The following EYS variants were observed in gnomAD, a reference collection of about 807,000 sequenced individuals.
EYS encodes the protein protein eyes shut homolog.
A neutral mutation model predicts 282.1 loss-of-function variants in EYS; 250 were observed. The ratio of observed to expected loss-of-function variants is 0.89; its 90% confidence interval spans 0.80 to 0.98. EYS has a LOEUF of 0.98. EYS is among the 50% of genes least tolerant of loss of function. The pLI is 0.00. For synonymous variants in EYS, 1,355 were observed against 1,282.9 expected, an observed-to-expected ratio of 1.06 and a Z score of -1.20; for missense variants, 4,016 against 3,709.0, an observed-to-expected ratio of 1.08 and a Z score of -2.15.
chr6:65,004,285 A>G (rs1358397703), intron 13 of EYS, among the ~76,000 whole-genome samples: 1 of 147,686 alleles, frequency 6.8e-6, no homozygotes, highest in East Asian at 2.1e-4. Context: ...AAAAATATAA[A>G]TGAATTTGTC....
chr6:65,162,729 T>G (rs969564435), intron 12 of EYS, among the ~76,000 whole-genome samples: 2 of 151,210 alleles, frequency 1.3e-5, no homozygotes, highest in African/African-American at 4.8e-5. Flanking sequence ...TCTTATATTA[T>G]TCTCATTGGT....
chr6:64,763,368 T>A (rs1478551247), intron 22 of EYS, among the ~76,000 whole-genome samples: 1 of 152,068 alleles, frequency 6.6e-6, no homozygotes, highest in Non-Finnish European at 1.5e-5. Context: ...GCAAGCTCCT[T>A]CTTCATATGG....
intron 31 of EYS, among the ~76,000 whole-genome samples, chr6:64,174,932 T>C (rs1343055137): frequency 6.6e-6 from 1 of 152,066 alleles, no homozygotes; most frequent in African/African-American, 2.4e-5. Context: ...GTTTTTTTTC[T>C]AAAACTAGTA....
chr6:65,602,638 T>C (rs1423689447), intron 2 of EYS, among the ~76,000 whole-genome samples: 1 of 151,978 alleles, frequency 6.6e-6, no homozygotes, highest in Non-Finnish European at 1.5e-5. Flanking sequence ...GTTTTGTATA[T>C]TAAATAAAAA....
chr6:65,513,874 C>T (rs1268113894), intron 2 of EYS, among the ~76,000 whole-genome samples: 1 of 152,174 alleles, frequency 6.6e-6, no homozygotes, highest in Admixed American at 6.5e-5. Flanking sequence ...CCTTTGAAAA[C>T]TGGCACAAGA....
chr6:63,801,269 A>G (rs1273698769), intron 37 of EYS, among the ~76,000 whole-genome samples: 1 of 152,182 alleles, frequency 6.6e-6, no homozygotes, highest in Non-Finnish European at 1.5e-5. Flanking sequence ...GAGAATAGAA[A>G]GAAGGAGAAA....
rs146775461 is a variant in EYS, at chr6:64,569,658, G to A, written c.5644+20565C>T. Among the ~76,000 whole-genome samples the A allele has an allele frequency of 3.8e-3, 584 of 151,960 alleles. 9 individuals are homozygous for A. The highest frequency in any genetic ancestry group is 0.013 in the African/African-American group (549 of 41,476). On this transcript the variant is annotated intron_variant, in intron 26 of 42. Transcript: ENST00000503581. Reference sequence around the variant, plus strand: ...CGTGAGGCTGAGGCAGGAGAATTGCGTGAACCCGGGAGGCGGAGCTTGCAG... The same window carrying A: ...CGTGAGGCTGAGGCAGGAGAATTGCATGAACCCGGGAGGCGGAGCTTGCAG...
At chr6:63,942,151 G>A (rs1322045575) in intron 35 of EYS, among the ~76,000 whole-genome samples, 1 of 152,160 alleles carries the variant, frequency 6.6e-6, no homozygotes, top group Non-Finnish European at 1.5e-5. Context: ...CTATAGACAG[G>A]ATTGTCAACA....
At chr6:65,113,129 TGAG>T (rs1775262361) in intron 12 of EYS, among the ~76,000 whole-genome samples, 1 of 152,044 alleles carries the variant, frequency 6.6e-6, no homozygotes, top group South Asian at 2.1e-4. Flanking sequence ...AGCAGAAACA[TGAG>T]GCACTAAGTG....
chr6:63,974,699 T>G (rs1766749318), intron 35 of EYS, among the ~76,000 whole-genome samples: 1 of 152,068 alleles, frequency 6.6e-6, no homozygotes, highest in African/African-American at 2.4e-5. Context: ...TTGAGGCTTT[T>G]CAAATTCGGT....
intron 5 of EYS, among the ~76,000 whole-genome samples, chr6:65,417,416 A>T (rs563274050): frequency 6.6e-6 from 1 of 152,168 alleles, no homozygotes; most frequent in East Asian, 1.9e-4. Flanking sequence ...CTAAGTTTCT[A>T]ATGTGTGACT....
Position 64,552,686 on chromosome 6 carries a change from T to C in EYS, c.5644+37537A>G, listed in dbSNP as rs189169090. ...TCCCAGGACTTTGGGAGGCCGAAGC[T>C]GACAGATCATGAGGTCAGGAGTTTG... On this transcript the variant is annotated intron_variant, in intron 26 of 42. Coordinates refer to ENST00000503581, the MANE Select transcript of EYS (RefSeq NM_001142800.2). Among the ~76,000 whole-genome samples the C allele has an allele frequency of 5.5e-3, 842 of 152,120 alleles. 4 individuals carry two copies. Among genetic ancestry groups the C allele is most frequent in the Middle Eastern group, 0.017 (5 of 294 alleles).
chr6:64,073,754 TTATATA>T lies in EYS; in HGVS notation c.6572-7269_6572-7264del, dbSNP rs532848543. Among the ~76,000 whole-genome samples the T allele has an allele frequency of 2.1e-3, 321 of 151,680 alleles. 1 individual carries two copies. Among genetic ancestry groups the T allele is most frequent in the African/African-American group, 7.3e-3 (301 of 41,436 alleles). Reference sequence around the variant, plus strand: ...TGTAGACATCAAGCAATGTGAATCTTTATATATATGTGTGTGTGTGTGCATATATAT... The same window carrying T: ...TGTAGACATCAAGCAATGTGAATCTTTATGTGTGTGTGTGTGCATATATAT... On this transcript the variant is annotated intron_variant, in intron 32 of 42. Coordinates refer to ENST00000503581, the MANE Select transcript of EYS (RefSeq NM_001142800.2).
At chr6:64,152,138 T>TA (rs1259061487) in intron 31 of EYS, among the ~76,000 whole-genome samples, 1 of 152,018 alleles carries the variant, frequency 6.6e-6, no homozygotes, top group African/African-American at 2.4e-5. Flanking sequence ...ACTTTTTGAA[T>TA]AAAAAAATAA....
intron 26 of EYS, among the ~76,000 whole-genome samples, chr6:64,497,215 G>A (rs1192993305): frequency 6.6e-6 from 1 of 152,102 alleles, no homozygotes; most frequent in Non-Finnish European, 1.5e-5. Context: ...TACAACAGAA[G>A]ACAAAATTTT....
chr6:64,369,001 T>C (rs1395448218), intron 29 of EYS, among the ~76,000 whole-genome samples: 1 of 152,140 alleles, frequency 6.6e-6, no homozygotes, highest in Non-Finnish European at 1.5e-5. Flanking sequence ...AGAATGGTAT[T>C]TCCTAGGTTA....
intron 34 of EYS, among the ~76,000 whole-genome samples, chr6:63,994,077 T>G (rs1225422613): frequency 6.6e-6 from 1 of 151,914 alleles, no homozygotes; most frequent in African/African-American, 2.4e-5. Context: ...AACTGGCTAT[T>G]CACATGCAAA....
intron 31 of EYS, among the ~76,000 whole-genome samples, chr6:64,090,192 A>G (rs1772306514): frequency 1.3e-5 from 2 of 152,114 alleles, no homozygotes; most frequent in Admixed American, 6.6e-5. Flanking sequence ...AATAGCTACC[A>G]TTCTCTCTCT....
intron 14 of EYS, among the ~76,000 whole-genome samples, chr6:64,988,674 T>A (rs1002896548): frequency 6.6e-6 from 1 of 151,548 alleles, no homozygotes; most frequent in African/African-American, 2.4e-5. Context: ...CATAACCTCA[T>A]CCTCAAAGAA....
Sources: gnomAD v4.1 joint callset for allele counts (sites outside exome capture counted in the v4.1 genomes callset) on GRCh38, gnomAD v4.1.1 for gene constraint, MANE v1.5 for transcripts, NCBI Gene and HGNC (gene_info 2026-07-23, HGNC 2026-07-21) for gene names.